RAB5B: variants seen among roughly 807,000 people sequenced by gnomAD.
The protein encoded by RAB5B is ras-related protein Rab-5B.
RAB5B carries 11 observed loss-of-function variants against 28.6 expected under a neutral mutation model. The ratio of observed to expected loss-of-function variants is 0.38; its 90% confidence interval spans 0.24 to 0.64. The LOEUF is 0.64. Among genes scored for constraint, RAB5B ranks in the 30% least tolerant of loss-of-function variants. RAB5B has a pLI of 0.53. For synonymous variants in RAB5B, 93 were observed against 97.9 expected, an observed-to-expected ratio of 0.95 and a Z score of 0.29; for missense variants, 169 against 265.6, an observed-to-expected ratio of 0.64 and a Z score of 2.53.
chr12:55,990,857 C>CT (rs1026177714), intron 4 of RAB5B, 53 bp downstream of exon 4: 73 of 1,595,604 alleles, frequency 4.6e-5, no homozygotes, highest in Non-Finnish European at 5.5e-5. Flanking sequence ...CCTGGGACCT[C>CT]TTTTTTTCCA....
chr12:55,989,814 C>T, intron 2 of RAB5B, 133 bp from the exon 3 acceptor site: 4 of 1,102,482 alleles, frequency 3.6e-6, no homozygotes, highest in Non-Finnish European at 5.5e-6. Context: ...GAACTCAAAA[C>T]CTTTTCCTGT....
Position 55,996,661 on chromosome 12 carries a change from G to A in RAB5B, c.*4449G>A, listed in dbSNP as rs1002584037. 6.6e-6 allele frequency: 1 copy of A among 151,686 alleles called. No homozygotes were observed. The allele number at this position is 151,686 out of a possible 1,614,324, so 9.4% of individuals were successfully genotyped here. On this transcript the variant is annotated 3_prime_UTR_variant, in exon 6 of 6. Coordinates refer to ENST00000360299, the MANE Select transcript of RAB5B (RefSeq NM_002868.4). Reference sequence around the variant, plus strand: ...GGCGATTATTATTTTTTTTTTCTACGCAAAATAAAAGACGGCTATTCAGTG... The same window carrying A: ...GGCGATTATTATTTTTTTTTTCTACACAAAATAAAAGACGGCTATTCAGTG...
chr12:55,981,870 C>T (rs547279079), intron 1 of RAB5B, among the ~76,000 whole-genome samples: 27 of 150,894 alleles, frequency 1.8e-4, no homozygotes, highest in Non-Finnish European at 3.7e-4. Flanking sequence ...GGCAAAGTCT[C>T]GACCCACTGC....
chr12:55,992,401 A>G lies in RAB5B; in HGVS notation c.*189A>G. 4.4e-6 allele frequency: 3 copies of G among 685,204 alleles called. No homozygotes were observed. The highest frequency in any genetic ancestry group is 2.4e-4 in the Middle Eastern group (1 of 4,250). 42.4% of individuals were successfully genotyped at this position (685,204 alleles called of 1,614,324 possible). A position where few individuals can be genotyped will look rare whatever the true frequency, so the allele number is the denominator to read the frequency against. The stretch of plus-strand genomic sequence containing the variant: ...CAACAAACACCAGGCAGCTGTTGCC[A>G]CTGGCCTCCTACCCCCTACTCTGGG... On this transcript the variant is annotated 3_prime_UTR_variant, in exon 6 of 6. Transcript: ENST00000360299.
In RAB5B at chr12:55,996,003, A is replaced by ATATAT; in HGVS notation, c.*3792_*3793insATATT. The ATATAT allele has an allele frequency of 1.0e-5, 1 of 97,434 alleles. No homozygotes were observed. The highest frequency in any genetic ancestry group is 4.7e-5 in the African/African-American group (1 of 21,122). The allele number at this position is 97,434 out of a possible 1,614,324, so 6.0% of individuals were successfully genotyped here. A position where few individuals can be genotyped will look rare whatever the true frequency, so the allele number is the denominator to read the frequency against. On this transcript the variant is annotated 3_prime_UTR_variant, in exon 6 of 6. Transcript: ENST00000360299. ...TATATACATATATATATATATATATATTTTTTTTTTAACAACTGGTAGGAT... is the reference window on the plus strand; with the variant it reads ...TATATACATATATATATATATATATATATATTTTTTTTTTTAACAACTGGTAGGAT...
intron 1 of RAB5B, among the ~76,000 whole-genome samples, chr12:55,975,546 C>A (rs990025566): frequency 6.6e-6 from 1 of 151,082 alleles, no homozygotes; most frequent in African/African-American, 2.4e-5. Context: ...CCCGGGAGTT[C>A]GAGGGTGCAG....
At chr12:55,975,958 G>A (rs1889636238) in intron 1 of RAB5B, among the ~76,000 whole-genome samples, 1 of 151,568 alleles carries the variant, frequency 6.6e-6, no homozygotes, top group Non-Finnish European at 1.5e-5. Context: ...TACCATGTTG[G>A]CCAGGATGGT....
intron 1 of RAB5B, chr12:55,985,769 C>T: frequency 2.2e-6 from 1 of 455,796 alleles, no homozygotes; most frequent in Non-Finnish European, 4.4e-6. Context: ...AGCTGTTAGG[C>T]CCCTTTGGTG....
chr12:55,991,513 T>A (rs960428630), intron 5 of RAB5B, 60 bp downstream of exon 5: 2 of 1,418,154 alleles, frequency 1.4e-6, no homozygotes, highest in African/African-American at 2.8e-5. Flanking sequence ...AAATTATAGC[T>A]AACCCAAATC....
rs529628795 is a variant in RAB5B, at chr12:55,975,106, A to G, written c.-93+967A>G. Among the ~76,000 whole-genome samples the G allele has an allele frequency of 5.3e-5, 8 of 152,312 alleles. No homozygotes were observed. In the East Asian group the frequency reaches 1.5e-3, roughly 29 times the overall value. ...TCTTTCCCACTTAATAATGTGGTCT[A>G]TAGCAAATACCATGTCTCCTAGAAC... On this transcript the variant is annotated intron_variant, in intron 1 of 5. Transcript: ENST00000360299.
Position 55,986,954 on chromosome 12 carries a change from T to C in RAB5B, c.-7T>C. ...CCTCCACCCTTTCCCATTCTGATAA[T>C]CTGGCCATGACTAGCAGAAGCACAG... On this transcript the variant is annotated 5_prime_UTR_variant, in exon 2 of 6. Transcript: ENST00000360299. 1.5e-6 allele frequency: 2 copies of C among 1,335,348 alleles called. No homozygotes were observed. Among genetic ancestry groups the C allele is most frequent in the South Asian group, 1.1e-5 (1 of 87,148 alleles). 82.7% of individuals were successfully genotyped at this position (1,335,348 alleles called of 1,614,324 possible).
chr12:55,987,857 G>A (rs1889997342), intron 2 of RAB5B, among the ~76,000 whole-genome samples: 1 of 149,136 alleles, frequency 6.7e-6, no homozygotes, highest in African/African-American at 2.5e-5. Flanking sequence ...ATCAAAATCT[G>A]GTAAAATAGG....
intron 1 of RAB5B, chr12:55,980,501 G>A: frequency 6.3e-7 from 1 of 1,589,516 alleles, no homozygotes; most frequent in Non-Finnish European, 8.6e-7. Flanking sequence ...GCCGTTTCCT[G>A]ATCTCCGGCC....
At chr12:55,985,358 A>G (rs1213747678) in intron 1 of RAB5B, among the ~76,000 whole-genome samples, 2 of 152,192 alleles carry the variant, frequency 1.3e-5, no homozygotes, top group Non-Finnish European at 2.9e-5. Context: ...ATAGAGTATG[A>G]TGTCTGTGAA....
In RAB5B at chr12:55,992,511, G is replaced by A. The variant is rs374752542; in HGVS notation, c.*299G>A. 1.6e-4 allele frequency: 86 copies of A among 547,076 alleles called. No homozygotes were observed. The highest frequency in any genetic ancestry group is 1.3e-3 in the African/African-American group (67 of 53,404). 33.9% of individuals were successfully genotyped at this position (547,076 alleles called of 1,614,324 possible). A position where few individuals can be genotyped will look rare whatever the true frequency, so the allele number is the denominator to read the frequency against. On this transcript the variant is annotated 3_prime_UTR_variant, in exon 6 of 6. Transcript: ENST00000360299. ...TTATAGGTACAAGACAGCGACTTAC[G>A]TATCTTTTCTCCTCCTCCCTAGTGT... is the stretch of plus-strand genomic sequence containing the variant.
At chr12:55,988,464 T>C (rs961729432) in intron 2 of RAB5B, among the ~76,000 whole-genome samples, 2 of 152,236 alleles carry the variant, frequency 1.3e-5, no homozygotes, top group Non-Finnish European at 2.9e-5. Context: ...AAGGATCTTT[T>C]ATGAGAACTT....
At position 55,978,873 on chromosome 12, in the gene RAB5B, A is replaced by G. The variant is rs1409438217; in HGVS notation, c.-93+4734A>G. ...CTGCAACCTCCGCCTCCCGGGCTCA[A>G]GCAATTCTCATGTCTCAGCCTCCTG... On this transcript the variant is annotated intron_variant, in intron 1 of 5. Transcript: ENST00000360299. Among the ~76,000 whole-genome samples, 3 of 151,812 alleles carry G rather than the reference A, an allele frequency of 2.0e-5. No homozygotes were observed. In the East Asian group the frequency reaches 5.8e-4, roughly 29 times the overall value.
chr12:55,989,878 AG>A (rs1007287235), intron 2 of RAB5B, 68 bp from the exon 3 acceptor site: 18 of 1,527,852 alleles, frequency 1.2e-5, no homozygotes, highest in Admixed American at 6.7e-5. Flanking sequence ...TACATTTTGA[AG>A]GGGGGGAGGG....
rs1300529661 is a variant in RAB5B, at chr12:55,993,213, T to G, written c.*1001T>G. The G allele has an allele frequency of 6.6e-6, 1 of 152,608 alleles. No individual in the cohort carries two copies. Among genetic ancestry groups the G allele is most frequent in the Non-Finnish European group, 1.5e-5 (1 of 68,026 alleles). The allele number at this position is 152,608 out of a possible 1,614,324, so 9.5% of individuals were successfully genotyped here. A position where few individuals can be genotyped will look rare whatever the true frequency, so the allele number is the denominator to read the frequency against. On this transcript the variant is annotated 3_prime_UTR_variant, in exon 6 of 6. Transcript: ENST00000360299. ...ATGGTAGTTCAGTTGGGGTACTTGT[T>G]TTATGGAAGTTTTGATTGATTTACT...
Sources: allele counts gnomAD v4.1 joint callset (sites outside exome capture counted in the v4.1 genomes callset), GRCh38; gene constraint gnomAD v4.1.1; transcripts MANE v1.5; gene names NCBI Gene and HGNC (gene_info 2026-07-23, HGNC 2026-07-21).